HSPA4: variants seen among roughly 807,000 people sequenced by gnomAD.
HSPA4 encodes heat shock 70 kDa protein 4.
Under a neutral mutation model 106.2 loss-of-function variants are expected in HSPA4, and 25 were observed. The ratio of observed to expected loss-of-function variants is 0.24; its 90% CI spans 0.17 to 0.33. The LOEUF (loss-of-function observed/expected upper bound fraction) is 0.33, where lower values mean the gene tolerates loss of function less well. Ranked by LOEUF, HSPA4 falls within the 10% of genes least tolerant of loss-of-function variation. HSPA4 has a pLI of 1.00. For synonymous variants in HSPA4, 332 were observed against 333.6 expected (o/e 1.00, Z 0.05); for missense variants, 841 against 996.0 (o/e 0.84, Z 2.10).
chr5:133,058,282 T>C (rs1195807281), intron 1 of HSPA4, among the ~76,000 whole-genome samples: 2 of 152,056 alleles, frequency 1.3e-5, no homozygotes, highest in African/African-American at 4.8e-5. Flanking sequence ...CTTGGGAAAC[T>C]GAGGTGGGAG....
At chr5:133,091,069 A>T (rs1203592844) in intron 11 of HSPA4, 124 bp from the exon 12 acceptor site, 3 of 867,112 alleles carry the variant, frequency 3.5e-6, no homozygotes, top group Non-Finnish European at 6.0e-6. Context: ...GATTTTGCTT[A>T]TTTTAAGCAT....
intron 7 of HSPA4, among the ~76,000 whole-genome samples, chr5:133,081,636 A>G (rs971418639): frequency 2.0e-5 from 3 of 152,140 alleles, no homozygotes; most frequent in African/African-American, 4.8e-5. Context: ...TTTTCAGGTC[A>G]ATTATATACC....
At chr5:133,054,526 A>G (rs1007536050) in intron 1 of HSPA4, among the ~76,000 whole-genome samples, 1 of 152,166 alleles carries the variant, frequency 6.6e-6, no homozygotes, top group African/African-American at 2.4e-5. Context: ...GGTTTAATTC[A>G]TATACTATAC....
intron 1 of HSPA4, among the ~76,000 whole-genome samples, chr5:133,059,307 G>T (rs1224914068): frequency 6.6e-6 from 1 of 151,712 alleles, no homozygotes; most frequent in African/African-American, 2.4e-5. Context: ...AATTAGCTGG[G>T]TGTGGTGGCA....
chr5:133,101,930 T>TG, intron 17 of HSPA4, 52 bp downstream of exon 17: 1 of 1,354,854 alleles, frequency 7.4e-7, no homozygotes, highest in Non-Finnish European at 9.8e-7. Flanking sequence ...ACTTTTTTTT[T>TG]TTTTTTTTTT....
At chr5:133,062,009 A>G (rs192346903) in intron 1 of HSPA4, among the ~76,000 whole-genome samples, 24 of 152,282 alleles carry the variant, frequency 1.6e-4, no homozygotes, top group African/African-American at 4.3e-4. Flanking sequence ...TTTCTAGAGA[A>G]TACGTGAAGG....
intron 4 of HSPA4, among the ~76,000 whole-genome samples, chr5:133,071,895 C>T (rs1765386579): frequency 6.6e-6 from 1 of 152,124 alleles, no homozygotes; most frequent in African/African-American, 2.4e-5. Flanking sequence ...ACCTTGATTC[C>T]CCAGTGGCTG....
intron 1 of HSPA4, among the ~76,000 whole-genome samples, chr5:133,059,312 G>C (rs1765207128): frequency 6.6e-6 from 1 of 151,634 alleles, no homozygotes; most frequent in African/African-American, 2.4e-5. Context: ...GCTGGGTGTG[G>C]TGGCAGGTTC....
rs139766819 is a variant in HSPA4 at position 133,089,259 on chromosome 5, A to G, written c.1244+98A>G. ...ATTTCAGTTTACATAAATCTGTAAC[A>G]TTTTATCATAGTGCATGAAGGAAGT... On this transcript the variant is annotated intron_variant, in intron 10 of 18. Coordinates refer to ENST00000304858, the MANE Select transcript of HSPA4 (RefSeq NM_002154.4). 1,429 of 714,200 alleles carry G rather than the reference A, an allele frequency of 2.0e-3. 19 individuals carry two copies. In the African/African-American group the frequency reaches 0.022, roughly 11 times the overall value. 44.2% of individuals were successfully genotyped at this position (714,200 alleles called of 1,614,324 possible).
chr5:133,058,008 T>C (rs1409421450), intron 1 of HSPA4, among the ~76,000 whole-genome samples: 1 of 152,110 alleles, frequency 6.6e-6, no homozygotes, highest in Non-Finnish European at 1.5e-5. Flanking sequence ...GCTAAACTGA[T>C]GAGGAAAGGC....
intron 17 of HSPA4, 75 bp downstream of exon 17, chr5:133,101,953 G>C (rs1412957654): frequency 3.7e-6 from 4 of 1,067,818 alleles, no homozygotes; most frequent in Non-Finnish European, 5.1e-6. Flanking sequence ...TTGAGACGGA[G>C]TCTTGCTCTG....
At position 133,064,303 on chromosome 5, in the gene HSPA4, C is replaced by T. The variant is rs552294200; in HGVS notation, c.108-677C>T. On this transcript the variant is annotated intron_variant, in intron 1 of 18. Transcript: ENST00000304858. ...GGTGAATCATCTGAGGTCAGGAGTT[C>T]GATACCAGCCTGACCAACATGGTGA... is the stretch of plus-strand genomic sequence containing the variant. Among the ~76,000 whole-genome samples the T allele has an allele frequency of 2.0e-3, 300 of 152,174 alleles. 3 individuals carry two copies. The highest frequency in any genetic ancestry group is 6.6e-3 in the African/African-American group (275 of 41,494).
At chr5:133,072,170 GT>G (rs1228663225) in intron 4 of HSPA4, among the ~76,000 whole-genome samples, 2 of 152,126 alleles carry the variant, frequency 1.3e-5, no homozygotes, top group Non-Finnish European at 2.9e-5. Context: ...GCTTAGGAGG[GT>G]TCACGGGCCC....
chr5:133,053,080 A>G (rs1425188013), intron 1 of HSPA4: 1 of 152,202 alleles, frequency 6.6e-6, no homozygotes, highest in Admixed American at 6.5e-5. Flanking sequence ...CTTTAACGAT[A>G]ATGCATTCTA....
chr5:133,061,464 T>A (rs1765242102), intron 1 of HSPA4, among the ~76,000 whole-genome samples: 1 of 151,820 alleles, frequency 6.6e-6, no homozygotes, highest in Non-Finnish European at 1.5e-5. Context: ...CAACCCCTGA[T>A]TGATTTTAGA....
At chr5:133,054,826 G>C (rs1765138668) in intron 1 of HSPA4, among the ~76,000 whole-genome samples, 1 of 152,092 alleles carries the variant, frequency 6.6e-6, no homozygotes, top group African/African-American at 2.4e-5. Context: ...TCTCCCCTAA[G>C]GAACTGAAAA....
chr5:133,062,901 A>G (rs551148058), intron 1 of HSPA4, among the ~76,000 whole-genome samples: 7 of 152,200 alleles, frequency 4.6e-5, no homozygotes, highest in Admixed American at 2.6e-4. Context: ...TCTTAAGTTT[A>G]TGTTTCTACC....
At chr5:133,101,234 A>G (rs920925458) in intron 16 of HSPA4, among the ~76,000 whole-genome samples, 6 of 152,142 alleles carry the variant, frequency 3.9e-5, no homozygotes, top group African/African-American at 1.4e-4. Flanking sequence ...AACTGTGTCT[A>G]TAGTTCTTCT....
rs755987542 is a variant in HSPA4, at chr5:133,093,572, C to T, written c.1650+783C>T. On this transcript the variant is annotated intron_variant, in intron 13 of 18. Coordinates refer to ENST00000304858, the MANE Select transcript of HSPA4 (RefSeq NM_002154.4). ...GTGGCATGATCTCGGCTCACTGCAG[C>T]CCCCGCCTTCCAGGTTCAAGCGATT... Among the ~76,000 whole-genome samples the T allele has an allele frequency of 6.1e-4, 89 of 145,894 alleles. 1 individual carries two copies. Among genetic ancestry groups the T allele is most frequent in the Admixed American group, 3.7e-3 (55 of 15,010 alleles).
Sources: allele counts gnomAD v4.1 joint callset (sites outside exome capture counted in the v4.1 genomes callset), GRCh38; gene constraint gnomAD v4.1.1; transcripts MANE v1.5; gene names NCBI Gene and HGNC (gene_info 2026-07-23, HGNC 2026-07-21).